Variants in SLC23A3 observed in about 807,000 individuals in gnomAD.
SLC23A3 encodes solute carrier family 23 member 3.
In SLC23A3, 41 loss-of-function variants were observed where a neutral mutation model predicts 64.7. The ratio of observed to expected loss-of-function variants is 0.63; its 90% CI spans 0.49 to 0.82. The LOEUF (loss-of-function observed/expected upper bound fraction) is 0.82, where lower values mean the gene tolerates loss of function less well. Ranked by LOEUF, SLC23A3 falls within the 40% of genes least tolerant of loss-of-function variation. The pLI is 0.00. For missense variants in SLC23A3, 647 were observed against 733.4 expected (o/e 0.88, Z 1.36); for synonymous variants, 281 against 306.8 (o/e 0.92, Z 0.88).
chr2:219,162,626 T>C (rs1949960342), intron 10 of SLC23A3, among the ~76,000 whole-genome samples: 1 of 152,206 alleles, frequency 6.6e-6, no homozygotes, highest in South Asian at 2.1e-4. Context: ...ACCCTCCATA[T>C]ATGCTTTGAC....
At chr2:219,168,892 G>A in intron 4 of SLC23A3, 59 bp from the exon 5 acceptor site, 1 of 1,558,268 alleles carries the variant, frequency 6.4e-7, no homozygotes, top group Non-Finnish European at 8.7e-7. Flanking sequence ...ACTGGCCTCA[G>A]CCTGGTCTTC....
chr2:219,169,185 T>C lies in SLC23A3; in HGVS notation c.419-83A>G. On this transcript the variant is annotated intron_variant, in intron 3 of 11. Transcript: ENST00000409878. This position sits in a 1 kb window ranked among gnomAD's most constrained non-coding sequence, Gnocchi z 4.5. The stretch of plus-strand genomic sequence containing the variant: ...TCTACAGTCCCACTCCTGGCACAGG[T>C]CCAAGCCCCCTATAGTGTCACAGTC... 1 of 1,606,286 alleles carries C rather than the reference T, an allele frequency of 6.2e-7. No homozygotes were observed.
chr2:219,162,183 A>T lies in SLC23A3; in HGVS notation c.1559T>A (p.Leu520Gln). 3 of 1,611,330 alleles carry T rather than the reference A, an allele frequency of 1.9e-6. No homozygotes were observed. Among genetic ancestry groups the T allele is most frequent in the Non-Finnish European group, 2.5e-6 (3 of 1,178,012 alleles). Residue 520 changes from leucine to glutamine, a missense_variant, in exon 12 of 12, where the codon CTA (leucine) becomes CAA (glutamine). Coordinates refer to ENST00000409878, the MANE Select transcript of SLC23A3 (RefSeq NM_001144889.2). ...GAAAGGAGATGGTAGCCCTTGACCT[A>T]GGCCTCGCTCAAGCTGTGTGCCTGC... is the stretch of plus-strand genomic sequence containing the variant. ...TIPGTQLERGLGQGLPSPFTA... is the reference protein window; with the variant it reads ...TIPGTQLERGQGQGLPSPFTA...
intron 7 of SLC23A3, among the ~76,000 whole-genome samples, chr2:219,167,588 C>CAAAA (rs34130254): frequency 7.1e-4 from 43 of 60,382 alleles, no homozygotes; most frequent in Non-Finnish European, 8.7e-4. Flanking sequence ...CCTGTCTCTA[C>CAAAA]AAAAAAAAAA....
At chr2:219,165,137 T>C in intron 8 of SLC23A3, 32 bp downstream of exon 8, 1 of 1,550,016 alleles carries the variant, frequency 6.5e-7, no homozygotes, top group Non-Finnish European at 8.7e-7. Context: ...TCTAGCTCCA[T>C]CCTACCCCAC....
In SLC23A3 at chr2:219,165,192, C is replaced by A; in HGVS notation, c.1144G>T (p.Val382Leu). ...ACCTGGATAAGACCCACTTTGCCCA[C>A]GTTGGGGAAGCTGGATGCAGTGCCC... ...PMGTASSFPNVGKVGLIQAGS... is the reference protein window; with the variant it reads ...PMGTASSFPNLGKVGLIQAGS... The change falls in exon 8 of 12, where the codon GTG (valine) becomes TTG (leucine). Residue 382 changes from valine to leucine, a missense_variant. Val to Leu is a conservative substitution (Grantham distance 32, BLOSUM62 1). Coordinates refer to ENST00000409878, the MANE Select transcript of SLC23A3 (RefSeq NM_001144889.2). 1 of 1,551,938 alleles carries A rather than the reference C, an allele frequency of 6.4e-7. No individual in the cohort carries two copies. Among genetic ancestry groups the A allele is most frequent in the Non-Finnish European group, 8.7e-7 (1 of 1,147,094 alleles).
At chr2:219,163,581 G>A (rs1949971610) in intron 9 of SLC23A3, 26 bp from the exon 10 acceptor site, 1 of 1,612,980 alleles carries the variant, frequency 6.2e-7, no homozygotes. Context: ...GAAATCAAGG[G>A]GGTCAGGAGG....
Position 219,163,501 on chromosome 2 carries a change from A to C in SLC23A3, c.1328T>G (p.Phe443Cys). ...AVVLSAGFSS[F>C]YLADIDSGRN... Reference sequence around the variant, plus strand: ...CCCAGAGTCTATGTCAGCCAGGTAGAAGCTGGAGAATCCAGCAGACAAAAC... The same window carrying C: ...CCCAGAGTCTATGTCAGCCAGGTAGCAGCTGGAGAATCCAGCAGACAAAAC... The change falls in exon 10 of 12, where the codon TTC becomes TGC. Residue 443 changes from phenylalanine to cysteine, a missense_variant. Phe to Cys is a radical substitution (Grantham distance 205, BLOSUM62 -2). Coordinates refer to ENST00000409878, the MANE Select transcript of SLC23A3 (RefSeq NM_001144889.2). 1 of 1,614,192 alleles carries C rather than the reference A, an allele frequency of 6.2e-7. No homozygotes were observed.
In SLC23A3 at chr2:219,165,234, G is replaced by T; in HGVS notation, c.1102C>A (p.Leu368Met). The T allele has an allele frequency of 3.2e-6, 5 of 1,551,668 alleles. No homozygotes were observed. The highest frequency in any genetic ancestry group is 3.5e-6 in the Non-Finnish European group (4 of 1,147,010). The change falls in exon 8 of 12, where the codon CTG becomes ATG. Residue 368 changes from leucine to methionine, a missense_variant. Transcript: ENST00000409878. ...LEGLGSVLAG[L>M]LGSPMGTASS... Reference sequence around the variant, plus strand: ...GCAGTGCCCATGGGGCTTCCCAGCAGCCCGGCCAGCACACTGCCCAGCCCC... The same window carrying T: ...GCAGTGCCCATGGGGCTTCCCAGCATCCCGGCCAGCACACTGCCCAGCCCC...
chr2:219,166,908 C>T lies in SLC23A3; in HGVS notation c.913+1022G>A, dbSNP rs145414229. 3.1e-4 allele frequency among the ~76,000 whole-genome samples: 47 copies of T among 152,276 alleles called. No individual in the cohort carries two copies. In the South Asian group the frequency reaches 4.8e-3, roughly 15 times the overall value. The stretch of plus-strand genomic sequence containing the variant: ...CCACAATGGCAATTTTATATTTCCT[C>T]GGGTGACTCTTTAATTAGTATCTGT... On this transcript the variant is annotated intron_variant, in intron 7 of 11. Coordinates refer to ENST00000409878, the MANE Select transcript of SLC23A3 (RefSeq NM_001144889.2).
intron 8 of SLC23A3, 54 bp downstream of exon 8, chr2:219,165,115 T>G: frequency 6.5e-7 from 1 of 1,533,426 alleles, no homozygotes; most frequent in Non-Finnish European, 8.8e-7. Flanking sequence ...GTTCCTGTCC[T>G]TCTTCTTCCC....
At chr2:219,162,467 G>T in intron 10 of SLC23A3, 73 bp from the exon 11 acceptor site, 1 of 1,062,822 alleles carries the variant, frequency 9.4e-7, no homozygotes, top group Non-Finnish European at 1.4e-6. Flanking sequence ...TACCCTCCCA[G>T]ACCTAAACCT....
At position 219,167,690 on chromosome 2, in the gene SLC23A3, A is replaced by C. The variant is rs551952224; in HGVS notation, c.913+240T>G. Among the ~76,000 whole-genome samples, 3 of 151,936 alleles carry C rather than the reference A, an allele frequency of 2.0e-5. No individual in the cohort carries two copies. The East Asian group carries it at 5.8e-4, about 29-fold the overall frequency. Reference sequence around the variant, plus strand: ...CTGGGAGGTTGAGGTTGCGTGAGCCATGATCACGCCATGCACTCCACCCTG... The same window carrying C: ...CTGGGAGGTTGAGGTTGCGTGAGCCCTGATCACGCCATGCACTCCACCCTG... On this transcript the variant is annotated intron_variant, in intron 7 of 11. Coordinates refer to ENST00000409878, the MANE Select transcript of SLC23A3 (RefSeq NM_001144889.2).
Position 219,170,003 on chromosome 2 carries a change from T to C in SLC23A3, c.-19A>G. 1 of 1,612,418 alleles carries C rather than the reference T, an allele frequency of 6.2e-7. No homozygotes were observed. The highest frequency in any genetic ancestry group is 8.5e-7 in the Non-Finnish European group (1 of 1,179,476). ...GGCTCATGCTGCCTTGCCTTTCGCTTTGTCTTGGCTGCCCGGGACCAGAGT... is the reference window on the plus strand; with the variant it reads ...GGCTCATGCTGCCTTGCCTTTCGCTCTGTCTTGGCTGCCCGGGACCAGAGT... On this transcript the variant is annotated 5_prime_UTR_variant, in exon 1 of 12. Coordinates refer to ENST00000409878, the MANE Select transcript of SLC23A3 (RefSeq NM_001144889.2).
chr2:219,162,589 A>G (rs186931216), intron 10 of SLC23A3, among the ~76,000 whole-genome samples, 195 bp from the exon 11 acceptor site: 36 of 152,254 alleles, frequency 2.4e-4, no homozygotes, highest in Admixed American at 2.2e-3. Context: ...ATTCCTGCTC[A>G]ACACCCTGTG....
chr2:219,162,261 G>A, intron 11 of SLC23A3, 38 bp downstream of exon 11: 1 of 1,613,562 alleles, frequency 6.2e-7, no homozygotes, highest in Non-Finnish European at 8.5e-7. Flanking sequence ...TGGCTTCCTG[G>A]CCACTCCCCA....
intron 9 of SLC23A3, 123 bp from the exon 10 acceptor site, chr2:219,163,678 T>C: frequency 9.7e-7 from 1 of 1,026,830 alleles, no homozygotes; most frequent in Admixed American, 2.5e-5. Flanking sequence ...ATGATTTTTG[T>C]TTTTTTTGTT....
In SLC23A3 at chr2:219,168,275, A is replaced by G. The variant is rs774895267; in HGVS notation, c.718T>C (p.Cys240Arg). Residue 240 changes from cysteine (C) to arginine (R), a missense_variant, in exon 6 of 12, where the codon TGC becomes CGC. Physicochemically the swap from Cys to Arg is radical, Grantham distance 180 (BLOSUM62 -3). Coordinates refer to ENST00000409878, the MANE Select transcript of SLC23A3 (RefSeq NM_001144889.2). ...CTCCAGGGGCACACATGAAACTGGCAGGAGCCCAGGTGCTGAGAACAGACC... is the reference window on the plus strand; with the variant it reads ...CTCCAGGGGCACACATGAAACTGGCGGGAGCCCAGGTGCTGAGAACAGACC... Reference protein sequence around the residue: ...MVVCSQHLGSCQFHVCPWRRA... With the variant: ...MVVCSQHLGSRQFHVCPWRRA... 6 of 1,613,552 alleles carry G rather than the reference A, an allele frequency of 3.7e-6. No individual in the cohort carries two copies.
At chr2:219,168,101 G>C in intron 6 of SLC23A3, 57 bp from the exon 7 acceptor site, 1 of 1,572,556 alleles carries the variant, frequency 6.4e-7, no homozygotes, top group Non-Finnish European at 8.6e-7. Context: ...AGCCAGCCTT[G>C]CAGGGGTAGA....
Sources: allele counts gnomAD v4.1 joint callset (sites outside exome capture counted in the v4.1 genomes callset), GRCh38; gene constraint gnomAD v4.1.1; non-coding constraint Gnocchi (gnomAD v3.1); transcripts MANE v1.5; gene names NCBI Gene and HGNC (gene_info 2026-07-23, HGNC 2026-07-21).